KDM5A: variants seen among roughly 807,000 people sequenced by gnomAD.
KDM5A encodes lysine demethylase 5A.
A neutral mutation model predicts 193.5 loss-of-function variants in KDM5A; 42 were observed. The ratio of observed to expected loss-of-function variants is 0.22; its 90% CI spans 0.17 to 0.28. The LOEUF (loss-of-function observed/expected upper bound fraction) is 0.28, where lower values mean the gene tolerates loss of function less well. KDM5A is among the 10% of genes least tolerant of loss of function. KDM5A has a pLI of 1.00. For missense variants in KDM5A, 1,692 were observed against 2,055.1 expected (o/e 0.82, Z 3.42); for synonymous variants, 796 against 718.1 (o/e 1.11, Z -1.73).
intron 24 of KDM5A, 114 bp downstream of exon 24, chr12:306,832 A>AT: frequency 9.9e-7 from 1 of 1,011,956 alleles, no homozygotes. Context: ...CAGATAAATG[A>AT]TTAGTTTTCT....
chr12:332,606 GA>G (rs1375040987), intron 12 of KDM5A, among the ~76,000 whole-genome samples: 1 of 152,044 alleles, frequency 6.6e-6, no homozygotes, highest in Non-Finnish European at 1.5e-5. Context: ...GTTGAAAAGT[GA>G]AAAAGGTATT....
chr12:355,278 T>TA, intron 6 of KDM5A, 29 bp from the exon 7 acceptor site: 6 of 1,264,372 alleles, frequency 4.7e-6, no homozygotes, highest in Non-Finnish European at 7.0e-6. Context: ...ACAATAATAG[T>TA]AAAAACCAAT....
chr12:349,490 C>T (rs779376795), intron 10 of KDM5A, among the ~76,000 whole-genome samples: 3 of 151,804 alleles, frequency 2.0e-5, no homozygotes, highest in South Asian at 2.1e-4. Flanking sequence ...CCACCATACT[C>T]GGCTAATTTT....
intron 14 of KDM5A, among the ~76,000 whole-genome samples, chr12:327,052 A>C (rs1943798953): frequency 1.3e-5 from 2 of 152,138 alleles, no homozygotes; most frequent in Non-Finnish European, 2.9e-5. Context: ...TAAAGGTAAA[A>C]TGAAAACTTT....
intron 10 of KDM5A, among the ~76,000 whole-genome samples, chr12:344,356 AG>A (rs1351612655): frequency 1.3e-5 from 2 of 152,246 alleles, no homozygotes; most frequent in African/African-American, 4.8e-5. Context: ...GATATTATCC[AG>A]GAGAACTTCC....
chr12:298,338 C>T (rs4980875), intron 24 of KDM5A, among the ~76,000 whole-genome samples: 1 of 152,108 alleles, frequency 6.6e-6, no homozygotes. Context: ...GATGAAGCTT[C>T]CAGAGGAAGG....
At chr12:294,072 T>C (rs1423593928) in intron 26 of KDM5A, among the ~76,000 whole-genome samples, 1 of 152,134 alleles carries the variant, frequency 6.6e-6, no homozygotes, top group Non-Finnish European at 1.5e-5. Context: ...AATAAAAGTA[T>C]TGGTAGTTAT....
chr12:382,104 T>C (rs990692120), intron 3 of KDM5A, among the ~76,000 whole-genome samples: 1 of 152,166 alleles, frequency 6.6e-6, no homozygotes, highest in Admixed American at 6.5e-5. Flanking sequence ...AGCCACCACA[T>C]GCCACGAATT....
At position 389,167 on chromosome 12, in the gene KDM5A, T is replaced by C. The variant is rs985420315; in HGVS notation, c.-76A>G. On this transcript the variant is annotated 5_prime_UTR_variant, in exon 1 of 28. Coordinates refer to ENST00000399788, the MANE Select transcript of KDM5A (RefSeq NM_001042603.3). ...AGCTGGCTGAAGCCCACTAAGCCCG[T>C]TCAAGTCCCCTGACAGAGGCCGAAG... 7.2e-7 allele frequency: 1 copy of C among 1,389,116 alleles called. No homozygotes were observed. Among genetic ancestry groups the C allele is most frequent in the Non-Finnish European group, 1.0e-6 (1 of 976,502 alleles). 86.0% of individuals were successfully genotyped at this position (1,389,116 alleles called of 1,614,324 possible). A position where few individuals can be genotyped will look rare whatever the true frequency, so the allele number is the denominator to read the frequency against.
rs1438066827 is a variant in KDM5A at position 322,521 on chromosome 12, T to C, written c.2322A>G (p.Lys774=). ...RVMLEDAEDR[K]YPENDLFRKL... ...TTCGAAAGAGATCATTCTCTGGGTATTTCCTATCCTCAGCATCTTCCAGCA... is the reference window on the plus strand; with the variant it reads ...TTCGAAAGAGATCATTCTCTGGGTACTTCCTATCCTCAGCATCTTCCAGCA... The change falls in exon 17 of 28, where the codon AAA becomes AAG. Residue 774 remains lysine (K), a synonymous_variant. Coordinates refer to ENST00000399788, the MANE Select transcript of KDM5A (RefSeq NM_001042603.3). 6.2e-7 allele frequency: 1 copy of C among 1,613,286 alleles called. No individual in the cohort carries two copies. Among genetic ancestry groups the C allele is most frequent in the Non-Finnish European group, 8.5e-7 (1 of 1,179,504 alleles).
At chr12:377,521 T>TA (rs1037208528) in intron 3 of KDM5A, among the ~76,000 whole-genome samples, 3 of 152,018 alleles carry the variant, frequency 2.0e-5, no homozygotes, top group Non-Finnish European at 4.4e-5. Flanking sequence ...CAAGAATTAA[T>TA]ATAGCATCGT....
At chr12:351,710 T>G (rs1173802492) in intron 9 of KDM5A, among the ~76,000 whole-genome samples, 1 of 152,182 alleles carries the variant, frequency 6.6e-6, no homozygotes, top group Non-Finnish European at 1.5e-5. Context: ...GGCTCACATC[T>G]GTAATCCCAA....
chr12:323,896 G>A (rs1270147449), intron 14 of KDM5A, 115 bp from the exon 15 acceptor site: 3 of 825,872 alleles, frequency 3.6e-6, no homozygotes, highest in African/African-American at 3.4e-5. Flanking sequence ...GTATAAACAT[G>A]AAAGGTACAA....
At chr12:333,833 A>C (rs1470767733) in intron 11 of KDM5A, among the ~76,000 whole-genome samples, 184 bp from the exon 12 acceptor site, 1 of 152,218 alleles carries the variant, frequency 6.6e-6, no homozygotes, top group Non-Finnish European at 1.5e-5. Flanking sequence ...AGTAAATAGT[A>C]GTATGTATAG....
At chr12:341,546 C>A (rs1944005144) in intron 10 of KDM5A, among the ~76,000 whole-genome samples, 1 of 151,784 alleles carries the variant, frequency 6.6e-6, no homozygotes, top group Admixed American at 6.6e-5. Context: ...AAACACACAG[C>A]CAAAAAAACC....
chr12:359,615 A>G (rs1322674128), intron 5 of KDM5A, among the ~76,000 whole-genome samples: 1 of 151,718 alleles, frequency 6.6e-6, no homozygotes, highest in East Asian at 1.9e-4. Context: ...GGTGGTATGT[A>G]CTTATGGTCC....
rs909456134 is a variant in KDM5A, at chr12:284,112, T to TAC, written c.*1342_*1343dup. 4 of 230,386 alleles carry TAC rather than the reference T, an allele frequency of 1.7e-5. No individual in the cohort carries two copies. The highest frequency in any genetic ancestry group is 8.9e-5 in the African/African-American group (4 of 44,822). 14.3% of individuals were successfully genotyped at this position (230,386 alleles called of 1,614,324 possible). A position where few individuals can be genotyped will look rare whatever the true frequency, so the allele number is the denominator to read the frequency against. ...AGGAGGGAGTGCTAACTCCTTGTACTACAAAGAAGGAATGGGATTTTTTTT... is the reference window on the plus strand; with the variant it reads ...AGGAGGGAGTGCTAACTCCTTGTACTACACAAAGAAGGAATGGGATTTTTTTT... On this transcript the variant is annotated 3_prime_UTR_variant, in exon 28 of 28. Transcript: ENST00000399788.
At position 285,532 on chromosome 12, in the gene KDM5A, C is replaced by A. The variant is rs1943210586; in HGVS notation, c.4997G>T (p.Ser1666Ile). The A allele has an allele frequency of 6.2e-7, 1 of 1,614,034 alleles. No homozygotes were observed. Among genetic ancestry groups the A allele is most frequent in the East Asian group, 2.2e-5 (1 of 44,870 alleles). The stretch of plus-strand genomic sequence containing the variant: ...GGAAGGAGGTGGTGCTGGACCTGGG[C>A]TAACTGGCCCCTGCTTCTTTGCACA... ...INCAKKQGPV[S>I]PGPAPPPSFI... Residue 1666 changes from serine (S) to isoleucine (I), a missense_variant, in exon 28 of 28, where the codon AGC becomes ATC. By Grantham distance (142) the Ser-to-Ile change is moderately radical (BLOSUM62 -2). This residue lies in a region of KDM5A where 41 missense variants were observed against 36.3 expected (regional missense o/e 1.13). Coordinates refer to ENST00000399788, the MANE Select transcript of KDM5A (RefSeq NM_001042603.3).
chr12:332,261 C>T (rs1048746890), intron 12 of KDM5A, among the ~76,000 whole-genome samples: 5 of 152,080 alleles, frequency 3.3e-5, no homozygotes, highest in African/African-American at 9.7e-5. Flanking sequence ...ATTCTTGTAT[C>T]GTAAATAGTG....
Sources: gnomAD v4.1 joint callset for allele counts (sites outside exome capture counted in the v4.1 genomes callset) on GRCh38, gnomAD v4.1.1 for gene constraint, gnomAD v4.1.1 regional missense constraint, MANE v1.5 for transcripts, NCBI Gene and HGNC (gene_info 2026-07-23, HGNC 2026-07-21) for gene names.